Variants in RNF182 observed in about 807,000 individuals in gnomAD.
The protein encoded by RNF182 is ring finger protein 182.
Under a neutral mutation model 14.4 loss-of-function variants are expected in RNF182, and 15 were observed. That is an observed-to-expected ratio of 1.04 (90% CI 0.70 to 1.60). The LOEUF is 1.60. RNF182 is among the 40% of genes most tolerant of loss of function. RNF182 has a pLI of 0.00. For missense variants in RNF182, 268 were observed against 294.8 expected (o/e 0.91, Z 0.67); for synonymous variants, 128 against 122.9 (o/e 1.04, Z -0.27).
At chr6:13,947,704 C>T (rs1372606714) in intron 1 of RNF182, among the ~76,000 whole-genome samples, 2 of 151,948 alleles carry the variant, frequency 1.3e-5, no homozygotes, top group South Asian at 2.1e-4. Context: ...GGTCAGGAGC[C>T]CTGTACAAGG....
intron 1 of RNF182, among the ~76,000 whole-genome samples, chr6:13,925,710 T>C (rs1463586104): frequency 2.6e-5 from 4 of 152,182 alleles, no homozygotes; most frequent in Admixed American, 6.5e-5. Context: ...TAGAAGGTAT[T>C]GTGTTCATGC....
rs572506979 is a variant in RNF182, at chr6:13,970,287, C to T, written c.-366-3923C>T. Among the ~76,000 whole-genome samples the T allele has an allele frequency of 8.8e-4, 134 of 152,300 alleles. 1 individual carries two copies. The highest frequency in any genetic ancestry group is 3.1e-3 in the African/African-American group (127 of 41,574). On this transcript the variant is annotated intron_variant, in intron 1 of 2. Coordinates refer to ENST00000488300, the MANE Select transcript of RNF182 (RefSeq NM_152737.4). ...TTGTACCCATTAACCAACCTCTCTT[C>T]TTTCTCCCTCTCCCACCTCATCCTG...
At chr6:13,960,697 G>GCGCGCGCA (rs140903588) in intron 1 of RNF182, among the ~76,000 whole-genome samples, 31,227 of 149,532 alleles carry the variant, frequency 0.21, 3,949 homozygotes, top group Non-Finnish European at 0.28. Flanking sequence ...GTGTGTGCGC[G>GCGCGCGCA]CGTGCACATG....
intron 1 of RNF182, among the ~76,000 whole-genome samples, chr6:13,972,421 A>C (rs1443109191): frequency 6.6e-6 from 1 of 152,228 alleles, no homozygotes. Flanking sequence ...AGAAATTTGC[A>C]TAAGTAATGA....
chr6:13,924,921 C>T, upstream of RNF182: 1 of 141,582 alleles, frequency 7.1e-6, no homozygotes, highest in East Asian at 2.3e-4. Flanking sequence ...CCCGCCAGCC[C>T]GCTAGCTCCT....
chr6:13,951,926 C>T (rs2113615406), intron 1 of RNF182, among the ~76,000 whole-genome samples: 2 of 152,332 alleles, frequency 1.3e-5, no homozygotes. Context: ...TCACCCCACT[C>T]ATCACCCAGC....
intron 1 of RNF182, among the ~76,000 whole-genome samples, chr6:13,934,168 C>T (rs1759046554): frequency 6.6e-6 from 1 of 152,174 alleles, no homozygotes; most frequent in Admixed American, 6.5e-5. Context: ...CTTAGTTGCA[C>T]CAGCCACATT....
At chr6:13,950,858 G>A (rs1479973971) in intron 1 of RNF182, among the ~76,000 whole-genome samples, 2 of 152,000 alleles carry the variant, frequency 1.3e-5, no homozygotes, top group Non-Finnish European at 2.9e-5. Context: ...GTGCAGTGAT[G>A]CAATCTCAGC....
At chr6:13,960,949 C>T (rs1048398065) in intron 1 of RNF182, among the ~76,000 whole-genome samples, 1 of 152,202 alleles carries the variant, frequency 6.6e-6, no homozygotes, top group Middle Eastern at 3.4e-3. Context: ...ATCTAATTTT[C>T]AGGCCATATT....
intron 2 of RNF182, among the ~76,000 whole-genome samples, chr6:13,974,777 G>T (rs1484095561): frequency 6.6e-6 from 1 of 152,142 alleles, no homozygotes; most frequent in African/African-American, 2.4e-5. Context: ...GTGTAATTTT[G>T]CCTAGTTATC....
intron 1 of RNF182, among the ~76,000 whole-genome samples, chr6:13,934,624 G>T (rs1397379686): frequency 6.6e-6 from 1 of 152,160 alleles, no homozygotes; most frequent in Non-Finnish European, 1.5e-5. Flanking sequence ...TTGCCATTTA[G>T]ATAGGATTAT....
At chr6:13,962,553 GA>G (rs1239936069) in intron 1 of RNF182, among the ~76,000 whole-genome samples, 2 of 152,168 alleles carry the variant, frequency 1.3e-5, no homozygotes, top group African/African-American at 4.8e-5. Context: ...ATTGAACATA[GA>G]AGCAGGTATT....
At chr6:13,950,133 A>G (rs952919896) in intron 1 of RNF182, among the ~76,000 whole-genome samples, 3 of 152,220 alleles carry the variant, frequency 2.0e-5, no homozygotes, top group South Asian at 4.1e-4. Context: ...CCTTGCTCCA[A>G]TAGTCTCAAT....
intron 1 of RNF182, among the ~76,000 whole-genome samples, chr6:13,965,817 A>G (rs1427657305): frequency 2.0e-5 from 3 of 152,224 alleles, no homozygotes; most frequent in African/African-American, 7.2e-5. Flanking sequence ...ATCCTTCTCA[A>G]ATCCATCTCT....
intron 1 of RNF182, among the ~76,000 whole-genome samples, chr6:13,932,939 G>A (rs1418732778): frequency 6.6e-6 from 1 of 152,140 alleles, no homozygotes; most frequent in Admixed American, 6.5e-5. Flanking sequence ...TAAACTGAAG[G>A]TACCATTCTA....
At chr6:13,968,374 T>C (rs1337112413) in intron 1 of RNF182, among the ~76,000 whole-genome samples, 1 of 152,050 alleles carries the variant, frequency 6.6e-6, no homozygotes, top group Non-Finnish European at 1.5e-5. Flanking sequence ...GAGGAAGAAA[T>C]GAACATTTGA....
intron 1 of RNF182, among the ~76,000 whole-genome samples, chr6:13,956,461 A>G (rs1386840535): frequency 6.6e-6 from 1 of 151,926 alleles, no homozygotes; most frequent in East Asian, 1.9e-4. Context: ...AGTAGCTGGG[A>G]TTACAGATGC....
chr6:13,949,293 AC>A, intron 1 of RNF182: 1 of 778,450 alleles, frequency 1.3e-6, no homozygotes, highest in South Asian at 1.3e-5. Flanking sequence ...TCTGTCAGAA[AC>A]CTGACATGTG....
chr6:13,971,095 T>A lies in RNF182; in HGVS notation c.-366-3115T>A, dbSNP rs1008648428. ...CTAAGTCTGCTTGGACACTGTTTTT[T>A]CTTCCCTTCAAGGCGTCGGCTGTCC... On this transcript the variant is annotated intron_variant, in intron 1 of 2. Coordinates refer to ENST00000488300, the MANE Select transcript of RNF182 (RefSeq NM_152737.4). Among the ~76,000 whole-genome samples the A allele has an allele frequency of 5.9e-5, 9 of 152,086 alleles. No homozygotes were observed. The South Asian group carries it at 8.3e-4, about 14-fold the overall frequency.
Sources: gnomAD v4.1 joint callset for allele counts (sites outside exome capture counted in the v4.1 genomes callset) on GRCh38, gnomAD v4.1.1 for gene constraint, MANE v1.5 for transcripts, NCBI Gene and HGNC (gene_info 2026-07-23, HGNC 2026-07-21) for gene names.